Variants in AGPS observed in about 807,000 individuals in gnomAD.
AGPS encodes alkyldihydroxyacetonephosphate synthase, peroxisomal.
AGPS carries 26 observed loss-of-function variants against 90.7 expected under a neutral mutation model. That is an observed-to-expected ratio of 0.29 (90% CI 0.21 to 0.40). The LOEUF (loss-of-function observed/expected upper bound fraction) is 0.40, where lower values mean the gene tolerates loss of function less well. AGPS is among the 10% of genes least tolerant of loss of function. The pLI, the probability that AGPS is intolerant of heterozygous loss-of-function variation, is 1.00. For synonymous variants in AGPS, 294 were observed against 285.3 expected (o/e 1.03, Z -0.31); for missense variants, 540 against 816.1 (o/e 0.66, Z 4.12).
At chr2:177,491,429 CTTTTTTTTTT>C (rs1051275473) in intron 11 of AGPS, among the ~76,000 whole-genome samples, 1 of 118,250 alleles carries the variant, frequency 8.5e-6, no homozygotes, top group Non-Finnish European at 1.8e-5. Flanking sequence ...TGACTAATTT[CTTTTTTTTTT>C]TTTTTTTTTG....
chr2:177,418,230 G>A (rs542413205), intron 1 of AGPS, among the ~76,000 whole-genome samples: 63 of 152,104 alleles, frequency 4.1e-4, no homozygotes, highest in Admixed American at 1.4e-3. Context: ...AAAATTTAAG[G>A]CCAAAGACTC....
rs1242309424 is a variant in AGPS, at chr2:177,521,239, G to A, written c.1698-30G>A. ...TAAATCTGATTTCACTTAACTTAAA[G>A]CCCCTGTGGGGATTTTGTTTGTTTT... On this transcript the variant is annotated intron_variant, in intron 17 of 19. Coordinates refer to ENST00000264167, the MANE Select transcript of AGPS (RefSeq NM_003659.4). 6 of 1,557,660 alleles carry A rather than the reference G, an allele frequency of 3.9e-6. No homozygotes were observed. In the South Asian group the frequency reaches 6.7e-5, roughly 17 times the overall value.
intron 7 of AGPS, among the ~76,000 whole-genome samples, chr2:177,444,119 G>A (rs913676222): frequency 2.0e-5 from 3 of 152,056 alleles, no homozygotes; most frequent in East Asian, 1.9e-4. Context: ...TACCATAGTT[G>A]TATTGAAGTT....
chr2:177,431,461 A>G (rs1243378500), intron 2 of AGPS, among the ~76,000 whole-genome samples: 1 of 152,122 alleles, frequency 6.6e-6, no homozygotes, highest in Non-Finnish European at 1.5e-5. Context: ...TCTGACCTCA[A>G]ATTTACCAGA....
At chr2:177,468,608 C>T in intron 10 of AGPS, 84 bp downstream of exon 10, 1 of 940,400 alleles carries the variant, frequency 1.1e-6, no homozygotes, top group Admixed American at 1.8e-5. Flanking sequence ...GACATCAGAT[C>T]TTTGAAAGAC....
In AGPS at chr2:177,538,431, T is replaced by A. The variant is rs1467387114; in HGVS notation, c.*236T>A. On this transcript the variant is annotated 3_prime_UTR_variant, in exon 20 of 20. Transcript: ENST00000264167. ...CATTTTACATTCAGCGGTTGTCATT[T>A]CAAATTTTAGTCAGGCAGCACAAAG... 1 of 522,296 alleles carries A rather than the reference T, an allele frequency of 1.9e-6. No homozygotes were observed. Among genetic ancestry groups the A allele is most frequent in the Non-Finnish European group, 3.4e-6 (1 of 296,878 alleles). 32.4% of individuals were successfully genotyped at this position (522,296 alleles called of 1,614,324 possible). A position where few individuals can be genotyped will look rare whatever the true frequency, so the allele number is the denominator to read the frequency against.
intron 5 of AGPS, among the ~76,000 whole-genome samples, chr2:177,438,096 A>G (rs576738230): frequency 6.6e-6 from 1 of 152,332 alleles, no homozygotes; most frequent in African/African-American, 2.4e-5. Context: ...TTACTTCTCT[A>G]CCAAGATTTG....
At chr2:177,474,635 C>T (rs1348887197) in intron 10 of AGPS, among the ~76,000 whole-genome samples, 3 of 152,158 alleles carry the variant, frequency 2.0e-5, no homozygotes, top group Admixed American at 1.3e-4. Flanking sequence ...TTCTCTGGGA[C>T]CCTCCCTTAT....
chr2:177,441,688 G>C (rs1353762513), intron 6 of AGPS, among the ~76,000 whole-genome samples: 1 of 152,150 alleles, frequency 6.6e-6, no homozygotes, highest in African/African-American at 2.4e-5. Context: ...CTTTCATGCA[G>C]AACTTATGGA....
At chr2:177,494,991 G>A (rs538242456) in intron 12 of AGPS, among the ~76,000 whole-genome samples, 8 of 152,166 alleles carry the variant, frequency 5.3e-5, no homozygotes, top group African/African-American at 1.9e-4. Context: ...TACCACATTG[G>A]TTGTTAACAA....
At chr2:177,448,861 C>T (rs1686853753) in intron 8 of AGPS, among the ~76,000 whole-genome samples, 1 of 152,152 alleles carries the variant, frequency 6.6e-6, no homozygotes, top group Admixed American at 6.5e-5. Context: ...AAGCAACCCC[C>T]CAGGAATCAC....
intron 15 of AGPS, among the ~76,000 whole-genome samples, chr2:177,505,885 TA>T (rs1354290756): frequency 3.3e-5 from 5 of 151,936 alleles, no homozygotes; most frequent in African/African-American, 1.2e-4. Context: ...CAAGCTGTTT[TA>T]CTTAGCAACA....
At chr2:177,450,020 G>A (rs541767310) in intron 8 of AGPS, among the ~76,000 whole-genome samples, 19 of 151,964 alleles carry the variant, frequency 1.3e-4, no homozygotes, top group Non-Finnish European at 2.1e-4. Flanking sequence ...TGTATTTTTA[G>A]TAGAGACGGG....
At chr2:177,436,225 C>G (rs1388909644) in intron 3 of AGPS, among the ~76,000 whole-genome samples, 2 of 127,494 alleles carry the variant, frequency 1.6e-5, no homozygotes, top group Non-Finnish European at 3.2e-5. Flanking sequence ...AATCTCGGCT[C>G]ACTGCAAGCT....
At chr2:177,448,374 T>C (rs745712189) in intron 8 of AGPS, among the ~76,000 whole-genome samples, 17 of 152,216 alleles carry the variant, frequency 1.1e-4, no homozygotes, top group Non-Finnish European at 2.5e-4. Context: ...GCTAACAGAC[T>C]TTAAATATTC....
chr2:177,466,903 C>T (rs959026139), intron 9 of AGPS, among the ~76,000 whole-genome samples: 4 of 152,104 alleles, frequency 2.6e-5, no homozygotes, highest in East Asian at 1.9e-4. Context: ...AGGATTCCTG[C>T]GTGCTTCCGG....
intron 14 of AGPS, among the ~76,000 whole-genome samples, chr2:177,501,876 C>A (rs968109044): frequency 2.0e-5 from 3 of 152,168 alleles, no homozygotes; most frequent in Admixed American, 2.0e-4. Context: ...CCATGTTGGT[C>A]AGGCTGGTCT....
chr2:177,447,011 C>G (rs949791548), intron 8 of AGPS, among the ~76,000 whole-genome samples: 2 of 152,084 alleles, frequency 1.3e-5, no homozygotes, highest in African/African-American at 2.4e-5. Context: ...CTTCAACTTC[C>G]TCAAACATAA....
chr2:177,409,369 C>A (rs1287982228), intron 1 of AGPS, among the ~76,000 whole-genome samples: 1 of 147,802 alleles, frequency 6.8e-6, no homozygotes, highest in Non-Finnish European at 1.5e-5. Flanking sequence ...CCTATGCTCT[C>A]AGGTGATATA....
Sources: allele counts gnomAD v4.1 joint callset (sites outside exome capture counted in the v4.1 genomes callset), GRCh38; gene constraint gnomAD v4.1.1; transcripts MANE v1.5; gene names NCBI Gene and HGNC (gene_info 2026-07-23, HGNC 2026-07-21).